The following SPEN variants were observed in gnomAD, a reference collection of about 807,000 sequenced individuals.
The protein encoded by SPEN is msx2-interacting protein.
A neutral mutation model predicts 269.9 loss-of-function variants in SPEN; 18 were observed. The observed-to-expected ratio is 0.07, with a 90% CI of 0.05 to 0.10. The LOEUF is 0.10. Among genes scored for constraint, SPEN ranks in the 10% least tolerant of loss-of-function variants. SPEN has a pLI of 1.00. For synonymous variants in SPEN, 1,726 were observed against 1,765.7 expected (o/e 0.98, Z 0.56); for missense variants, 3,822 against 4,631.2 (o/e 0.83, Z 5.07).
At chr1:15,856,061 C>T (rs1469025581) in intron 1 of SPEN, among the ~76,000 whole-genome samples, 2 of 125,288 alleles carry the variant, frequency 1.6e-5, no homozygotes, top group Non-Finnish European at 3.2e-5. Flanking sequence ...GGTGTGATCT[C>T]GGCTCACTGC....
At chr1:15,858,859 A>C (rs895927819) in intron 1 of SPEN, among the ~76,000 whole-genome samples, 1 of 152,160 alleles carries the variant, frequency 6.6e-6, no homozygotes, top group Admixed American at 6.6e-5. Flanking sequence ...TGGGAGGATC[A>C]CTTGGGCCCA....
chr1:15,883,735 G>A (rs2070710336), intron 3 of SPEN, among the ~76,000 whole-genome samples: 1 of 150,378 alleles, frequency 6.6e-6, no homozygotes, highest in Non-Finnish European at 1.5e-5. Flanking sequence ...AATTACATAT[G>A]CTGAGTAAAG....
intron 10 of SPEN, among the ~76,000 whole-genome samples, chr1:15,924,809 CT>C (rs2071151237): frequency 6.6e-6 from 1 of 152,162 alleles, no homozygotes; most frequent in Non-Finnish European, 1.5e-5. Flanking sequence ...TGGGTTTGTT[CT>C]GTGTTTTTTC....
chr1:15,848,945 A>G lies in SPEN; in HGVS notation c.83+795A>G, dbSNP rs2070305400. 1.3e-5 allele frequency among the ~76,000 whole-genome samples: 2 copies of G among 152,134 alleles called. No individual in the cohort carries two copies. Reference sequence around the variant, plus strand: ...CCCCACCCCTGAATTCCCGAATCAAACGGTAAAACATTCCAAACCTTTTAC... The same window carrying G: ...CCCCACCCCTGAATTCCCGAATCAAGCGGTAAAACATTCCAAACCTTTTAC... On this transcript the variant is annotated intron_variant, in intron 1 of 14. Transcript: ENST00000375759. The surrounding 1 kb of genome is among the most constrained non-coding windows in gnomAD (Gnocchi z 5.1).
At chr1:15,874,100 G>C (rs1190538934) in intron 2 of SPEN, 1 of 1,357,314 alleles carries the variant, frequency 7.4e-7, no homozygotes, top group Non-Finnish European at 9.8e-7. Flanking sequence ...TTCATACTTA[G>C]GGCTGGAAAT....
intron 1 of SPEN, among the ~76,000 whole-genome samples, chr1:15,863,341 G>A (rs1284333599): frequency 1.3e-5 from 2 of 152,074 alleles, no homozygotes; most frequent in African/African-American, 4.8e-5. Flanking sequence ...TCTGAAGAAT[G>A]TCTGCATTCA....
At chr1:15,867,596 T>C (rs1431872746) in intron 1 of SPEN, among the ~76,000 whole-genome samples, 2 of 152,108 alleles carry the variant, frequency 1.3e-5, no homozygotes, top group African/African-American at 2.4e-5. Context: ...TATCTGTATA[T>C]TTGTTGTTGT....
Position 15,928,171 on chromosome 1 carries a change from A to T in SPEN, c.1931A>T (p.Glu644Val). The part of the protein sequence containing the change: ...ESVRTPGTYP[E>V]DSRRDYPARG... ...GTTCGAACTCCAGGCACTTATCCTG[A>T]GGATTCCAGGCGGGACTATCCAGCT... The change falls in exon 11 of 15, where the codon GAG becomes GTG. Residue 644 changes from glutamate (E) to valine (V), a missense_variant. Coordinates refer to ENST00000375759, the MANE Select transcript of SPEN (RefSeq NM_015001.3). The surrounding 1 kb of genome is among the most constrained non-coding windows in gnomAD (Gnocchi z 5.7). 6.2e-7 allele frequency: 1 copy of T among 1,614,214 alleles called. No homozygotes were observed. The highest frequency in any genetic ancestry group is 1.1e-5 in the South Asian group (1 of 91,082).
At chr1:15,901,928 G>GTTTTTTTTTTTTTTTTTTTTTTA (rs35730805) in intron 3 of SPEN, among the ~76,000 whole-genome samples, 1 of 100,280 alleles carries the variant, frequency 1.0e-5, no homozygotes, top group Non-Finnish European at 1.9e-5. Flanking sequence ...TATTTATTTA[G>GTTTTTTTTTTTTTTTTTTTTTTA]TTTTTTTTTT....
chr1:15,930,890 G>A lies in SPEN; in HGVS notation c.4650G>A (p.Glu1550=). ...SKRLQHLERK[E]EDSDFISGRI... ...GATTGCAGCATCTAGAGAGAAAAGA[G>A]GAAGATTCTGACTTCATTTCTGGTA... Residue 1550 remains glutamate (E), a synonymous_variant, in exon 11 of 15, where the codon GAG becomes GAA. Coordinates refer to ENST00000375759, the MANE Select transcript of SPEN (RefSeq NM_015001.3). This position sits in a 1 kb window ranked among gnomAD's most constrained non-coding sequence, Gnocchi z 5.3. 1 of 1,614,078 alleles carries A rather than the reference G, an allele frequency of 6.2e-7. No homozygotes were observed. Among genetic ancestry groups the A allele is most frequent in the Non-Finnish European group, 8.5e-7 (1 of 1,180,010 alleles).
At chr1:15,873,233 G>T in intron 2 of SPEN, 97 bp downstream of exon 2, 2 of 1,436,288 alleles carry the variant, frequency 1.4e-6, no homozygotes, top group Non-Finnish European at 1.8e-6. Flanking sequence ...TAAAGTTTTG[G>T]GCATTCTCAA....
chr1:15,904,572 A>G (rs946571353), intron 3 of SPEN, among the ~76,000 whole-genome samples: 2 of 150,816 alleles, frequency 1.3e-5, no homozygotes, highest in African/African-American at 4.9e-5. Context: ...TCAGCAGATG[A>G]TTCTGAAAGT....
At chr1:15,866,278 T>C (rs1387724897) in intron 1 of SPEN, among the ~76,000 whole-genome samples, 1 of 152,198 alleles carries the variant, frequency 6.6e-6, no homozygotes, top group Non-Finnish European at 1.5e-5. Context: ...TTTTGCCATC[T>C]TTAGTAATTA....
intron 2 of SPEN, 191 bp downstream of exon 2, chr1:15,873,327 A>T: frequency 1.0e-6 from 1 of 985,372 alleles, no homozygotes; most frequent in Non-Finnish European, 1.2e-6. Flanking sequence ...TATTTCCTGC[A>T]GCTGATTGGA....
At chr1:15,903,017 T>C (rs1241574847) in intron 3 of SPEN, among the ~76,000 whole-genome samples, 1 of 152,146 alleles carries the variant, frequency 6.6e-6, no homozygotes, top group African/African-American at 2.4e-5. Flanking sequence ...TTACAAATAA[T>C]AGAGGGATAC....
chr1:15,894,288 G>A (rs1024430832), intron 3 of SPEN, among the ~76,000 whole-genome samples: 2 of 152,064 alleles, frequency 1.3e-5, no homozygotes, highest in African/African-American at 2.4e-5. Context: ...CTGCTGCCAC[G>A]TTGGAAGGAT....
Position 15,938,482 on chromosome 1 carries a change from A to C in SPEN, c.10705-236A>C, listed in dbSNP as rs2071301296. On this transcript the variant is annotated intron_variant, in intron 13 of 14. Coordinates refer to ENST00000375759, the MANE Select transcript of SPEN (RefSeq NM_015001.3). ...GCTTCTACTTGGTGGGGGGATGTAA[A>C]GTACCTCTAGACCCAGAAACAAGGC... 7.4e-6 allele frequency: 3 copies of C among 407,866 alleles called. No individual in the cohort carries two copies. In the South Asian group the frequency reaches 1.1e-4, roughly 15 times the overall value. 25.3% of individuals were successfully genotyped at this position (407,866 alleles called of 1,614,324 possible). A position where few individuals can be genotyped will look rare whatever the true frequency, so the allele number is the denominator to read the frequency against.
At chr1:15,904,718 G>A (rs2070938832) in intron 3 of SPEN, among the ~76,000 whole-genome samples, 1 of 150,224 alleles carries the variant, frequency 6.7e-6, no homozygotes, top group Admixed American at 6.7e-5. Context: ...CTCCCAAAGT[G>A]CTGGGATTAC....
chr1:15,851,414 A>G (rs929342893), intron 1 of SPEN, among the ~76,000 whole-genome samples: 1 of 152,184 alleles, frequency 6.6e-6, no homozygotes, highest in Non-Finnish European at 1.5e-5. Flanking sequence ...CACAATAGAG[A>G]AAGTCCTTTC....
Sources: gnomAD v4.1 joint callset for allele counts (sites outside exome capture counted in the v4.1 genomes callset) on GRCh38, gnomAD v4.1.1 for gene constraint, Gnocchi (gnomAD v3.1) non-coding constraint, MANE v1.5 for transcripts, NCBI Gene and HGNC (gene_info 2026-07-23, HGNC 2026-07-21) for gene names.